Variants in CCDC141 observed in about 807,000 individuals in gnomAD.
The protein encoded by CCDC141 is coiled-coil domain containing 141, also known as coiled-coil domain-containing protein 141.
Under a neutral mutation model 181.0 loss-of-function variants are expected in CCDC141, and 168 were observed. That is an observed-to-expected ratio of 0.93 (90% CI 0.82 to 1.05). The LOEUF (loss-of-function observed/expected upper bound fraction) is 1.05. CCDC141 is among the 50% of genes least tolerant of loss of function. The pLI is 0.00. For missense variants in CCDC141, 1,902 were observed against 1,788.5 expected, an observed-to-expected ratio of 1.06 and a Z score of -1.14; for synonymous variants, 666 against 642.3, an observed-to-expected ratio of 1.04 and a Z score of -0.56.
chr2:178,847,064 G>A (rs771429985), intron 21 of CCDC141, among the ~76,000 whole-genome samples: 1 of 152,210 alleles, frequency 6.6e-6, no homozygotes, highest in Non-Finnish European at 1.5e-5. Context: ...TGTTGCGGCT[G>A]TAACTCATAA....
chr2:178,862,928 T>C (rs1685684602), intron 17 of CCDC141, among the ~76,000 whole-genome samples: 1 of 152,182 alleles, frequency 6.6e-6, no homozygotes, highest in Non-Finnish European at 1.5e-5. Context: ...AGAAAGAAAT[T>C]TTTTTGAAAT....
chr2:178,972,402 C>G (rs1419614990), intron 4 of CCDC141, among the ~76,000 whole-genome samples: 1 of 152,188 alleles, frequency 6.6e-6, no homozygotes, highest in Non-Finnish European at 1.5e-5. Context: ...TCTAGGGTCT[C>G]ACAACCTGAT....
chr2:178,911,569 A>G (rs1282375027), intron 7 of CCDC141, among the ~76,000 whole-genome samples: 1 of 152,204 alleles, frequency 6.6e-6, no homozygotes, highest in African/African-American at 2.4e-5. Context: ...AAGAGTGTGT[A>G]CAATTTATCA....
chr2:178,869,718 T>C (rs1686023796), intron 14 of CCDC141, among the ~76,000 whole-genome samples: 1 of 152,108 alleles, frequency 6.6e-6, no homozygotes, highest in Non-Finnish European at 1.5e-5. Flanking sequence ...GGTGTAAAAA[T>C]ATATCAGGGG....
intron 11 of CCDC141, among the ~76,000 whole-genome samples, chr2:178,884,538 C>G (rs1686785306): frequency 6.6e-6 from 1 of 152,166 alleles, no homozygotes. Flanking sequence ...CAGAGCCTCA[C>G]AAGAATGTAA....
At chr2:178,898,489 A>G (rs1279020685) in intron 8 of CCDC141, among the ~76,000 whole-genome samples, 1 of 152,240 alleles carries the variant, frequency 6.6e-6, no homozygotes, top group Non-Finnish European at 1.5e-5. Flanking sequence ...AGCATCATAA[A>G]GAATGCACTA....
At chr2:178,915,371 T>C (rs1278424159) in intron 7 of CCDC141, among the ~76,000 whole-genome samples, 1 of 152,200 alleles carries the variant, frequency 6.6e-6, no homozygotes, top group Non-Finnish European at 1.5e-5. Context: ...AAGTAAAAAG[T>C]ATATTTAAAA....
At chr2:179,015,358 TC>T (rs143266834) in intron 2 of CCDC141, among the ~76,000 whole-genome samples, 8 of 139,172 alleles carry the variant, frequency 5.7e-5, no homozygotes, top group Non-Finnish European at 1.1e-4. Flanking sequence ...ATCATACATA[TC>T]CCATATATGT....
At chr2:178,897,691 G>T (rs1687479548) in intron 8 of CCDC141, among the ~76,000 whole-genome samples, 1 of 152,126 alleles carries the variant, frequency 6.6e-6, no homozygotes, top group African/African-American at 2.4e-5. Flanking sequence ...AATTATATCA[G>T]TTAATTTTAG....
Position 178,872,230 on chromosome 2 carries a change from TC to T in CCDC141, c.1981del (p.Glu661LysfsTer38). ...TGCCAGCCGAAGGAGGCTAAGTTCT[TC>T]CCGTTCTGCTTTCTGGTTTTCCATG... ...NTMENQKAER[E>X]ELSLLRLAWQ... On this transcript the variant is annotated frameshift_variant, in exon 13 of 24. Transcript: ENST00000443758. LOFTEE classifies it high-confidence loss of function. 6.2e-7 allele frequency: 1 copy of T among 1,614,122 alleles called. No homozygotes were observed. The highest frequency in any genetic ancestry group is 8.5e-7 in the Non-Finnish European group (1 of 1,179,986).
At chr2:178,883,063 T>C (rs543543394) in intron 11 of CCDC141, among the ~76,000 whole-genome samples, 2 of 152,314 alleles carry the variant, frequency 1.3e-5, no homozygotes, top group African/African-American at 4.8e-5. Context: ...AATTGTTGTT[T>C]GCAAAGCTAA....
chr2:179,004,005 A>G (rs1380086310), intron 2 of CCDC141, among the ~76,000 whole-genome samples: 1 of 152,204 alleles, frequency 6.6e-6, no homozygotes. Flanking sequence ...GGGTACAAAC[A>G]TCTACTACTT....
At chr2:178,980,940 G>A (rs1429455302) in intron 2 of CCDC141, among the ~76,000 whole-genome samples, 8 of 152,150 alleles carry the variant, frequency 5.3e-5, no homozygotes, top group Non-Finnish European at 1.0e-4. Flanking sequence ...TCTGAAGAAA[G>A]CTGAGTAGCT....
intron 2 of CCDC141, among the ~76,000 whole-genome samples, chr2:178,988,235 C>T (rs974995882): frequency 7.4e-5 from 11 of 148,186 alleles, no homozygotes; most frequent in East Asian, 2.0e-4. Flanking sequence ...AACCAAACAC[C>T]GTATATTCTC....
chr2:178,951,930 A>C (rs1041063272), intron 5 of CCDC141, among the ~76,000 whole-genome samples: 3 of 152,214 alleles, frequency 2.0e-5, no homozygotes, highest in African/African-American at 7.2e-5. Context: ...TGGGGGCTTA[A>C]TTAATAACCA....
chr2:178,965,089 A>G (rs970088126), intron 4 of CCDC141, among the ~76,000 whole-genome samples: 4 of 152,242 alleles, frequency 2.6e-5, no homozygotes, highest in African/African-American at 9.6e-5. Context: ...TGTTAAATAA[A>G]CTTTCCAAAT....
At chr2:178,880,912 T>C (rs1686572665) in intron 11 of CCDC141, among the ~76,000 whole-genome samples, 2 of 152,202 alleles carry the variant, frequency 1.3e-5, no homozygotes, top group Non-Finnish European at 2.9e-5. Flanking sequence ...AGACACCAGC[T>C]GTGTTTTGCT....
At chr2:178,990,292 A>T (rs1691987359) in intron 2 of CCDC141, among the ~76,000 whole-genome samples, 1 of 152,012 alleles carries the variant, frequency 6.6e-6, no homozygotes, top group Non-Finnish European at 1.5e-5. Context: ...TCAAAAAGTC[A>T]AACACAGAAT....
the CCDC141 span, among the ~76,000 whole-genome samples, chr2:178,817,950 C>T: frequency 2.0e-5 from 3 of 151,956 alleles, no homozygotes; most frequent in African/African-American, 4.8e-5. Flanking sequence ...TTACAGGCAT[C>T]CGCCACCATG....
Sources: allele counts gnomAD v4.1 joint callset (sites outside exome capture counted in the v4.1 genomes callset), GRCh38; gene constraint gnomAD v4.1.1; transcripts MANE v1.5; gene names NCBI Gene and HGNC (gene_info 2026-07-23, HGNC 2026-07-21).